NRXN1: variants seen among roughly 807,000 people sequenced by gnomAD.
NRXN1 encodes neurexin 1, also known as neurexin-1.
NRXN1 carries 39 observed loss-of-function variants against 150.9 expected under a neutral mutation model. The observed-to-expected ratio is 0.26, with a 90% CI of 0.20 to 0.34. The LOEUF is 0.34. Among genes scored for constraint, NRXN1 ranks in the 10% least tolerant of loss-of-function variants. The pLI is 1.00. For synonymous variants in NRXN1, 924 were observed against 757.0 expected (o/e 1.22, Z -3.62); for missense variants, 1,815 against 1,949.9 (o/e 0.93, Z 1.30).
chr2:50,181,867 C>T (rs548083326), intron 18 of NRXN1, among the ~76,000 whole-genome samples: 2 of 152,060 alleles, frequency 1.3e-5, no homozygotes, highest in South Asian at 2.1e-4. Flanking sequence ...GTTGTATGAA[C>T]GTTTTTGTGA....
At chr2:50,034,330 A>G (rs1689671617) in intron 21 of NRXN1, among the ~76,000 whole-genome samples, 1 of 152,142 alleles carries the variant, frequency 6.6e-6, no homozygotes, top group Admixed American at 6.6e-5. Flanking sequence ...GAATGAGATC[A>G]TGTCCTCTGC....
chr2:50,710,609 A>G (rs2105038090), intron 5 of NRXN1, among the ~76,000 whole-genome samples: 1 of 152,336 alleles, frequency 6.6e-6, no homozygotes, highest in Admixed American at 6.5e-5. Flanking sequence ...GCCTAAACAT[A>G]CTTTTCCCAT....
chr2:49,960,242 A>G (rs1463217957), intron 21 of NRXN1, among the ~76,000 whole-genome samples: 2 of 152,182 alleles, frequency 1.3e-5, no homozygotes, highest in Non-Finnish European at 2.9e-5. Context: ...TAGGCACACA[A>G]TGTTTGCCAC....
At position 50,403,956 on chromosome 2, in the gene NRXN1, A is replaced by ACTG. The variant is rs371850228; in HGVS notation, c.3364+61483_3364+61485dup. On this transcript the variant is annotated intron_variant, in intron 17 of 22. Coordinates refer to ENST00000401669, the MANE Select transcript of NRXN1 (RefSeq NM_001330078.2). ...CAATGTTCTGAGTTGTTGGAAGTGG[A>ACTG]CTGCTATACTAGCAACACCTATGAT... Among the ~76,000 whole-genome samples the ACTG allele has an allele frequency of 1.2e-4, 18 of 152,228 alleles. 1 individual carries two copies. Among genetic ancestry groups the ACTG allele is most frequent in the African/African-American group, 4.3e-4 (18 of 41,558 alleles).
In NRXN1 at chr2:50,626,802, T is replaced by C. The variant is rs2104345691; in HGVS notation, c.833-3187A>G. ...ATCAATAATACCATAGAGTAAGAAG[T>C]TAAATAACAATTTTGGAGAAAATAT... is the stretch of plus-strand genomic sequence containing the variant. On this transcript the variant is annotated intron_variant, in intron 5 of 22. Coordinates refer to ENST00000401669, the MANE Select transcript of NRXN1 (RefSeq NM_001330078.2). Among the ~76,000 whole-genome samples the C allele has an allele frequency of 3.3e-5, 5 of 152,004 alleles. No individual in the cohort carries two copies. In the Middle Eastern group the frequency reaches 0.017, roughly 517 times the overall value.
intron 2 of NRXN1, among the ~76,000 whole-genome samples, chr2:50,991,676 C>A (rs1575148717): frequency 1.3e-5 from 2 of 151,952 alleles, no homozygotes; most frequent in African/African-American, 4.8e-5. Context: ...GAAAATAGAA[C>A]CAGAAAATAG....
intron 2 of NRXN1, among the ~76,000 whole-genome samples, chr2:51,000,684 T>C (rs1260477749): frequency 6.6e-6 from 1 of 151,966 alleles, no homozygotes; most frequent in Admixed American, 6.6e-5. Flanking sequence ...ACAGATGTTT[T>C]GATTTTTTTT....
chr2:50,109,501 G>A (rs2152722889), intron 18 of NRXN1, among the ~76,000 whole-genome samples: 1 of 151,896 alleles, frequency 6.6e-6, no homozygotes, highest in Middle Eastern at 3.4e-3. Flanking sequence ...TACTCTTCCT[G>A]TCTTTTTTGA....
chr2:50,885,131 G>T (rs1203193899), intron 5 of NRXN1, among the ~76,000 whole-genome samples: 1 of 151,500 alleles, frequency 6.6e-6, no homozygotes, highest in African/African-American at 2.4e-5. Context: ...TAGCAACCTT[G>T]CAAGGTAACA....
Position 50,497,721 on chromosome 2 carries a change from G to T in NRXN1, c.2498-7C>A. Reference sequence around the variant, plus strand: ...TGATCACCTGCCATTTGACCTAAAAGAGAAGATAATATATGATTATTTTCT... The same window carrying T: ...TGATCACCTGCCATTTGACCTAAAATAGAAGATAATATATGATTATTTTCT... On this transcript the variant is annotated splice_region_variant and splice_polypyrimidine_tract_variant and intron_variant, in intron 13 of 22. Coordinates refer to ENST00000401669, the MANE Select transcript of NRXN1 (RefSeq NM_001330078.2). 1 of 1,599,752 alleles carries T rather than the reference G, an allele frequency of 6.3e-7. No individual in the cohort carries two copies. Among genetic ancestry groups the T allele is most frequent in the Admixed American group, 1.7e-5 (1 of 58,462 alleles).
chr2:50,185,047 G>T (rs2060976990), intron 18 of NRXN1, among the ~76,000 whole-genome samples: 1 of 152,156 alleles, frequency 6.6e-6, no homozygotes, highest in Admixed American at 6.6e-5. Flanking sequence ...TGTGACCTTG[G>T]AGGAGACATA....
chr2:50,201,757 C>T (rs1188501209), intron 18 of NRXN1, among the ~76,000 whole-genome samples: 2 of 152,194 alleles, frequency 1.3e-5, no homozygotes, highest in Non-Finnish European at 1.5e-5. Context: ...AGTTCAAGCT[C>T]ATGGTCTCAT....
intron 5 of NRXN1, among the ~76,000 whole-genome samples, chr2:50,848,353 C>A (rs761216649): frequency 2.6e-5 from 4 of 152,076 alleles, no homozygotes; most frequent in Non-Finnish European, 5.9e-5. Context: ...ATTTGTCCTC[C>A]TAATGTCTAT....
At chr2:50,351,076 A>C (rs2078376317) in intron 17 of NRXN1, among the ~76,000 whole-genome samples, 1 of 152,188 alleles carries the variant, frequency 6.6e-6, no homozygotes, top group African/African-American at 2.4e-5. Flanking sequence ...GAAGCAAATA[A>C]AGCTTGTGTG....
chr2:50,008,533 G>T (rs529020149), intron 21 of NRXN1, among the ~76,000 whole-genome samples: 2 of 145,568 alleles, frequency 1.4e-5, no homozygotes, highest in African/African-American at 2.5e-5. Flanking sequence ...GCATGATCTC[G>T]GCTCACTGTG....
intron 17 of NRXN1, among the ~76,000 whole-genome samples, chr2:50,274,762 CA>C (rs1361320377): frequency 6.6e-6 from 1 of 151,478 alleles, no homozygotes; most frequent in Non-Finnish European, 1.5e-5. Flanking sequence ...AAATTATAGT[CA>C]AAAATGCCTT....
intron 5 of NRXN1, among the ~76,000 whole-genome samples, chr2:50,641,396 G>C (rs1684055906): frequency 6.6e-6 from 1 of 152,048 alleles, no homozygotes; most frequent in Non-Finnish European, 1.5e-5. Context: ...GGGCAGGTGG[G>C]TCAAGATTGA....
rs1697467139 is a variant in NRXN1 at position 50,985,023 on chromosome 2, C to A, written c.772+42479G>T. Among the ~76,000 whole-genome samples the A allele has an allele frequency of 2.0e-5, 3 of 151,898 alleles. No individual in the cohort carries two copies. The South Asian group carries it at 6.2e-4, about 31-fold the overall frequency. On this transcript the variant is annotated intron_variant, in intron 2 of 22. Transcript: ENST00000401669. ...GTTAGTTTTCCTTTCTGCTCTAATTCCATGAAAAGACAGAATATATACTTT... is the reference window on the plus strand; with the variant it reads ...GTTAGTTTTCCTTTCTGCTCTAATTACATGAAAAGACAGAATATATACTTT...
chr2:50,644,523 A>T (rs765566990), intron 5 of NRXN1, among the ~76,000 whole-genome samples: 1 of 151,842 alleles, frequency 6.6e-6, no homozygotes, highest in African/African-American at 2.4e-5. Context: ...ATGACCCTAC[A>T]GTCCGAAACT....
Sources: allele counts gnomAD v4.1 joint callset (sites outside exome capture counted in the v4.1 genomes callset), GRCh38; gene constraint gnomAD v4.1.1; transcripts MANE v1.5; gene names NCBI Gene and HGNC (gene_info 2026-07-23, HGNC 2026-07-21).